SAMD5: variants seen among roughly 807,000 people sequenced by gnomAD.
SAMD5 encodes sterile alpha motif domain-containing protein 5.
In SAMD5, 13 loss-of-function variants were observed where a neutral mutation model predicts 11.3. The ratio of observed to expected loss-of-function variants is 1.15; its 90% confidence interval spans 0.75 to 1.83. The LOEUF is 1.83. SAMD5 is among the 40% of genes most tolerant of loss of function. The probability of loss-of-function intolerance (pLI) is 0.00; values close to 1 mark genes in which losing one functional copy is unlikely to be tolerated. For missense variants in SAMD5, 255 were observed against 239.1 expected (o/e 1.07, Z -0.44); for synonymous variants, 129 against 111.3 (o/e 1.16, Z -1.00).
the SAMD5 span, among the ~76,000 whole-genome samples, chr6:147,824,793 A>T: frequency 6.6e-6 from 1 of 152,204 alleles, no homozygotes. Context: ...TTGTTACTTA[A>T]ATTACTAATG....
the SAMD5 span, among the ~76,000 whole-genome samples, chr6:147,933,007 C>A: frequency 6.6e-6 from 1 of 152,278 alleles, no homozygotes; most frequent in South Asian, 2.1e-4. Flanking sequence ...AAGATCTAAA[C>A]CAGCTTGATA....
chr6:147,881,445 A>G, the SAMD5 span, among the ~76,000 whole-genome samples: 1 of 152,170 alleles, frequency 6.6e-6, no homozygotes, highest in Non-Finnish European at 1.5e-5. Context: ...TGGCCTTGTC[A>G]TATCCTCCCT....
the SAMD5 span, among the ~76,000 whole-genome samples, chr6:147,784,387 TGTTCTGACCCACTTATGGCTTTACTGG>T: frequency 6.6e-6 from 1 of 152,312 alleles, no homozygotes; most frequent in Non-Finnish European, 1.5e-5. Context: ...TGTGAAAGGT[TGTTCTGACCCACTTATGGCTTTACTGG>T]GTTATCTGCC....
chr6:147,827,465 A>G, the SAMD5 span, among the ~76,000 whole-genome samples: 8,356 of 152,250 alleles, frequency 0.055, 753 homozygotes, highest in African/African-American at 0.19. Flanking sequence ...GAAAGTACAA[A>G]CAATAGAGCG....
At chr6:147,905,300 G>A in the SAMD5 span, among the ~76,000 whole-genome samples, 1 of 152,100 alleles carries the variant, frequency 6.6e-6, no homozygotes, top group African/African-American at 2.4e-5. Flanking sequence ...TCCTGCCTCA[G>A]CCTCCGGAGC....
At chr6:147,574,395 G>A (rs924392364), downstream of SAMD5, among the ~76,000 whole-genome samples, 1 of 152,114 alleles carries the variant, frequency 6.6e-6, no homozygotes, top group Admixed American at 6.5e-5. Context: ...GTGACTTTAG[G>A]CCTGTCCTCT....
chr6:147,765,592 A>G, the SAMD5 span, among the ~76,000 whole-genome samples: 1 of 152,250 alleles, frequency 6.6e-6, no homozygotes, highest in African/African-American at 2.4e-5. Context: ...AATTTATCAG[A>G]GCAGAAGAAA....
chr6:147,863,301 A>T, the SAMD5 span, among the ~76,000 whole-genome samples: 1 of 152,140 alleles, frequency 6.6e-6, no homozygotes, highest in Non-Finnish European at 1.5e-5. Flanking sequence ...TTTAGAATTG[A>T]GTCACATTGG....
At chr6:147,776,696 C>T in the SAMD5 span, among the ~76,000 whole-genome samples, 5 of 152,184 alleles carry the variant, frequency 3.3e-5, no homozygotes, top group South Asian at 2.1e-4. Context: ...TAGTATAGTT[C>T]GATGACCTTT....
At chr6:147,637,177 C>T (rs1466430424) in intron 1 of SAMD5, among the ~76,000 whole-genome samples, 1 of 152,184 alleles carries the variant, frequency 6.6e-6, no homozygotes, top group Non-Finnish European at 1.5e-5. Context: ...TAGCAGGGTT[C>T]CCTCTGCCAA....
intron 1 of SAMD5, among the ~76,000 whole-genome samples, chr6:147,602,572 C>T (rs952963833): frequency 1.3e-5 from 2 of 152,082 alleles, no homozygotes; most frequent in East Asian, 1.9e-4. Context: ...GGCAAAACCC[C>T]GTTTCTACTA....
At chr6:147,685,559 A>C (rs116337604) in intron 1 of SAMD5, among the ~76,000 whole-genome samples, 18 of 152,152 alleles carry the variant, frequency 1.2e-4, no homozygotes, top group African/African-American at 4.3e-4. Context: ...CTTCATTTAC[A>C]TGGATAACTT....
At chr6:147,667,248 G>C (rs911568528) in intron 1 of SAMD5, among the ~76,000 whole-genome samples, 7 of 151,930 alleles carry the variant, frequency 4.6e-5, no homozygotes, top group Non-Finnish European at 8.8e-5. Context: ...GCACTTATTA[G>C]GTAAGGTGTT....
At chr6:147,682,126 A>T (rs1467474299) in intron 1 of SAMD5, among the ~76,000 whole-genome samples, 2 of 151,948 alleles carry the variant, frequency 1.3e-5, no homozygotes, top group Non-Finnish European at 2.9e-5. Context: ...TGTCTCCTCC[A>T]TTTACAGTGG....
the SAMD5 span, among the ~76,000 whole-genome samples, chr6:147,770,118 G>A: frequency 1.3e-5 from 2 of 152,146 alleles, no homozygotes; most frequent in Non-Finnish European, 2.9e-5. Context: ...TATATAGCTG[G>A]GGATTATGAT....
At chr6:147,801,322 G>A in the SAMD5 span, among the ~76,000 whole-genome samples, 2 of 151,736 alleles carry the variant, frequency 1.3e-5, no homozygotes, top group African/African-American at 4.8e-5. Flanking sequence ...GTTCCCACTT[G>A]TGCCTGTCAG....
intron 1 of SAMD5, among the ~76,000 whole-genome samples, chr6:147,553,982 A>G (rs1279433010): frequency 6.6e-6 from 1 of 152,120 alleles, no homozygotes; most frequent in Non-Finnish European, 1.5e-5. Flanking sequence ...TTCTCACACT[A>G]CTTTAAAGAA....
chr6:147,804,176 C>T, the SAMD5 span, among the ~76,000 whole-genome samples: 1 of 149,768 alleles, frequency 6.7e-6, no homozygotes, highest in Non-Finnish European at 1.5e-5. Flanking sequence ...GGCACCATCT[C>T]GGCTCGCTGC....
At chr6:147,708,290 C>T (rs1791351194) in intron 1 of SAMD5, among the ~76,000 whole-genome samples, 2 of 152,110 alleles carry the variant, frequency 1.3e-5, no homozygotes, top group South Asian at 2.1e-4. Flanking sequence ...GACGGCCATC[C>T]GCGAGCCAAG....
Sources: gnomAD v4.1 joint callset for allele counts (sites outside exome capture counted in the v4.1 genomes callset) on GRCh38, gnomAD v4.1.1 for gene constraint, MANE v1.5 for transcripts, NCBI Gene and HGNC (gene_info 2026-07-23, HGNC 2026-07-21) for gene names.